The following MDGA2 variants were observed in gnomAD, a reference collection of about 807,000 sequenced individuals.
MDGA2 encodes the protein MAM domain containing glycosylphosphatidylinositol anchor 2.
MDGA2 carries 40 observed loss-of-function variants against 117.8 expected under a neutral mutation model. That is an observed-to-expected ratio of 0.34 (90% CI 0.26 to 0.44). The LOEUF (loss-of-function observed/expected upper bound fraction) is 0.44, where lower values mean the gene tolerates loss of function less well. MDGA2 is among the 20% of genes least tolerant of loss of function. The pLI, the probability that MDGA2 is intolerant of heterozygous loss-of-function variation, is 1.00. For missense variants in MDGA2, 1,123 were observed against 1,250.6 expected (o/e 0.90, Z 1.54); for synonymous variants, 452 against 439.0 (o/e 1.03, Z -0.37).
At chr14:47,041,869 A>G (rs2138680309) in intron 7 of MDGA2, among the ~76,000 whole-genome samples, 1 of 152,238 alleles carries the variant, frequency 6.6e-6, no homozygotes, top group East Asian at 1.9e-4. Flanking sequence ...AAACAAAGAC[A>G]TCTGAATGTG....
At chr14:46,934,804 A>C (rs1884717175) in intron 9 of MDGA2, among the ~76,000 whole-genome samples, 1 of 152,178 alleles carries the variant, frequency 6.6e-6, no homozygotes, top group African/African-American at 2.4e-5. Flanking sequence ...TTATATTAAA[A>C]AAATCATTTC....
intron 2 of MDGA2, among the ~76,000 whole-genome samples, chr14:47,297,828 A>G (rs1232882403): frequency 6.6e-6 from 1 of 152,168 alleles, no homozygotes; most frequent in African/African-American, 2.4e-5. Flanking sequence ...AGGAATGCTA[A>G]AACCATTTTT....
chr14:47,662,440 A>G (rs548772756), intron 1 of MDGA2, among the ~76,000 whole-genome samples: 159 of 152,180 alleles, frequency 1.0e-3, no homozygotes, highest in African/African-American at 3.5e-3. Context: ...CTCTCTCTGG[A>G]AGAGGGAAGG....
intron 1 of MDGA2, among the ~76,000 whole-genome samples, chr14:47,314,000 A>C (rs534456593): frequency 6.6e-6 from 1 of 152,310 alleles, no homozygotes; most frequent in African/African-American, 2.4e-5. Context: ...GTAACTCCAA[A>C]TATTACATTG....
intron 3 of MDGA2, among the ~76,000 whole-genome samples, chr14:47,197,428 G>C (rs1885326788): frequency 6.6e-6 from 1 of 152,030 alleles, no homozygotes; most frequent in Non-Finnish European, 1.5e-5. Context: ...TGGCTCACTA[G>C]ATACCATATC....
At chr14:46,952,949 A>G (rs193295224) in intron 9 of MDGA2, among the ~76,000 whole-genome samples, 1 of 151,928 alleles carries the variant, frequency 6.6e-6, no homozygotes, top group African/African-American at 2.4e-5. Flanking sequence ...CTCACTTAAG[A>G]TAAGCTAGGT....
At chr14:46,890,994 T>C (rs1376274392) in intron 10 of MDGA2, among the ~76,000 whole-genome samples, 3 of 152,080 alleles carry the variant, frequency 2.0e-5, no homozygotes, top group Non-Finnish European at 4.4e-5. Context: ...CTTTAGTAAC[T>C]TGAAAAAAAT....
intron 1 of MDGA2, among the ~76,000 whole-genome samples, chr14:47,534,376 G>A (rs1895163189): frequency 1.3e-5 from 2 of 152,160 alleles, no homozygotes; most frequent in Non-Finnish European, 2.9e-5. Context: ...TTCTCACACT[G>A]CTATAAAGAT....
chr14:47,095,280 G>A (rs950912115), intron 6 of MDGA2, among the ~76,000 whole-genome samples: 2 of 151,994 alleles, frequency 1.3e-5, no homozygotes, highest in East Asian at 3.9e-4. Context: ...ATCATGACCT[G>A]ACTTAAAATA....
chr14:47,535,316 T>C (rs762541971), intron 1 of MDGA2, among the ~76,000 whole-genome samples: 2 of 152,240 alleles, frequency 1.3e-5, no homozygotes, highest in African/African-American at 2.4e-5. Flanking sequence ...TTTTCCTCTC[T>C]TGGGCATGCA....
intron 1 of MDGA2, among the ~76,000 whole-genome samples, chr14:47,597,961 GT>G: frequency 6.6e-6 from 1 of 151,774 alleles, no homozygotes; most frequent in East Asian, 1.9e-4. Context: ...GACATTGAGC[GT>G]GCGTATAAAC....
intron 3 of MDGA2, among the ~76,000 whole-genome samples, chr14:47,181,250 T>C (rs1165919677): frequency 6.6e-6 from 1 of 152,096 alleles, no homozygotes; most frequent in Non-Finnish European, 1.5e-5. Context: ...CACCTCCCAA[T>C]AGACCCTGGT....
At chr14:47,188,770 T>C (rs1437797545) in intron 3 of MDGA2, among the ~76,000 whole-genome samples, 1 of 151,992 alleles carries the variant, frequency 6.6e-6, no homozygotes, top group Non-Finnish European at 1.5e-5. Context: ...AAAAAGATGA[T>C]TGGAGGAGAT....
chr14:47,622,242 G>A lies in MDGA2; in HGVS notation c.280+52275C>T, dbSNP rs191423434. Reference sequence around the variant, plus strand: ...AAAAGAGAGAAGAAGAAGATTTGGAGGGGGATGGGAGAATGAATGACATCA... The same window carrying A: ...AAAAGAGAGAAGAAGAAGATTTGGAAGGGGATGGGAGAATGAATGACATCA... On this transcript the variant is annotated intron_variant, in intron 1 of 16. Coordinates refer to ENST00000399232, the MANE Select transcript of MDGA2 (RefSeq NM_001113498.3). 1.9e-3 allele frequency among the ~76,000 whole-genome samples: 289 copies of A among 152,304 alleles called. 1 individual carries two copies. The highest frequency in any genetic ancestry group is 6.6e-3 in the African/African-American group (273 of 41,566).
intron 1 of MDGA2, among the ~76,000 whole-genome samples, chr14:47,322,912 A>G (rs1018687217): frequency 6.6e-6 from 1 of 151,960 alleles, no homozygotes; most frequent in Admixed American, 6.6e-5. Context: ...AATCGCCACT[A>G]CCATATTCTC....
chr14:47,219,422 ATCT>A (rs1886217302), intron 2 of MDGA2, among the ~76,000 whole-genome samples: 1 of 152,076 alleles, frequency 6.6e-6, no homozygotes, highest in Non-Finnish European at 1.5e-5. Context: ...TTTATTCCAA[ATCT>A]TCTATATATA....
chr14:46,865,130 A>C (rs1881696586), intron 14 of MDGA2, among the ~76,000 whole-genome samples: 1 of 152,134 alleles, frequency 6.6e-6, no homozygotes. Flanking sequence ...TCTTTGACCA[A>C]AATGAGAATA....
At chr14:47,650,656 G>C (rs1021849491) in intron 1 of MDGA2, among the ~76,000 whole-genome samples, 21 of 152,258 alleles carry the variant, frequency 1.4e-4, no homozygotes, top group African/African-American at 4.3e-4. Context: ...ATAGAGTCTG[G>C]CCACCTGCAA....
intron 1 of MDGA2, among the ~76,000 whole-genome samples, chr14:47,363,873 T>C (rs1421008699): frequency 6.6e-6 from 1 of 152,190 alleles, no homozygotes; most frequent in African/African-American, 2.4e-5. Flanking sequence ...TAATTTACTG[T>C]AGAATGTATG....
Sources: allele counts gnomAD v4.1 joint callset (sites outside exome capture counted in the v4.1 genomes callset), GRCh38; gene constraint gnomAD v4.1.1; transcripts MANE v1.5; gene names NCBI Gene and HGNC (gene_info 2026-07-23, HGNC 2026-07-21).